Variants in TUSC3 observed in about 807,000 individuals in gnomAD.
TUSC3 encodes the protein tumor suppressor candidate 3.
In TUSC3, 45 loss-of-function variants were observed where a neutral mutation model predicts 44.8. The observed-to-expected ratio is 1.00, with a 90% CI of 0.79 to 1.29. The LOEUF (loss-of-function observed/expected upper bound fraction) is 1.29. Among genes scored for constraint, TUSC3 ranks in the 50% most tolerant of loss-of-function variants. TUSC3 has a pLI of 0.00. For synonymous variants in TUSC3, 212 were observed against 152.9 expected (o/e 1.39, Z -2.85); for missense variants, 519 against 437.9 (o/e 1.19, Z -1.65).
At chr8:15,715,383 T>C (rs1034852003) in intron 6 of TUSC3, among the ~76,000 whole-genome samples, 3 of 152,108 alleles carry the variant, frequency 2.0e-5, no homozygotes, top group Admixed American at 6.6e-5. Flanking sequence ...TATTGTACTA[T>C]ACCCACTCTT....
chr8:15,442,214 A>G (rs1437477033), intron 1 of TUSC3, among the ~76,000 whole-genome samples: 1 of 152,030 alleles, frequency 6.6e-6, no homozygotes, highest in Non-Finnish European at 1.5e-5. Context: ...ACCTGTTGCA[A>G]TTTATACTAC....
At chr8:15,541,184 A>G (rs970884327) in intron 1 of TUSC3, among the ~76,000 whole-genome samples, 4 of 152,298 alleles carry the variant, frequency 2.6e-5, no homozygotes, top group Non-Finnish European at 4.4e-5. Flanking sequence ...ATAACCTGCC[A>G]TTTATTTTAT....
At chr8:15,811,247 T>A in the TUSC3 span, among the ~76,000 whole-genome samples, 11 of 152,138 alleles carry the variant, frequency 7.2e-5, no homozygotes, top group African/African-American at 2.7e-4. Context: ...AGGCTTTTGT[T>A]TTCCTCTCTG....
chr8:15,453,645 A>C (rs1800220896), intron 1 of TUSC3, among the ~76,000 whole-genome samples: 1 of 152,202 alleles, frequency 6.6e-6, no homozygotes, highest in Non-Finnish European at 1.5e-5. Context: ...AGACAAACAC[A>C]ACTTAAATAT....
At chr8:15,526,382 A>G (rs1801373363) in intron 2 of TUSC3, among the ~76,000 whole-genome samples, 1 of 152,098 alleles carries the variant, frequency 6.6e-6, no homozygotes, top group Non-Finnish European at 1.5e-5. Context: ...GGAAACTAGT[A>G]AAGATTTTCT....
At chr8:15,505,200 T>C (rs62502467) in intron 2 of TUSC3, among the ~76,000 whole-genome samples, 29,650 of 152,156 alleles carry the variant, frequency 0.19, 3,406 homozygotes, top group Middle Eastern at 0.27. Flanking sequence ...TCAGGTTATT[T>C]GCCGCAGCAA....
intron 6 of TUSC3, among the ~76,000 whole-genome samples, chr8:15,714,465 A>G (rs543586090): frequency 1.3e-5 from 2 of 152,170 alleles, no homozygotes; most frequent in Admixed American, 1.3e-4. Flanking sequence ...ACTACATTTT[A>G]TATAGTTGTT....
At chr8:15,481,542 A>G (rs543207763) in intron 1 of TUSC3, among the ~76,000 whole-genome samples, 1 of 152,264 alleles carries the variant, frequency 6.6e-6, no homozygotes, top group Non-Finnish European at 1.5e-5. Context: ...TTTTCTCAGC[A>G]TTCCACAGAG....
chr8:15,794,371 C>T, the TUSC3 span, among the ~76,000 whole-genome samples: 1 of 152,126 alleles, frequency 6.6e-6, no homozygotes, highest in Admixed American at 6.6e-5. Context: ...ACTGGAAAAT[C>T]AGAGTGCATT....
chr8:15,566,853 A>G (rs1344303493), intron 1 of TUSC3, among the ~76,000 whole-genome samples: 3 of 152,082 alleles, frequency 2.0e-5, no homozygotes, highest in African/African-American at 7.2e-5. Flanking sequence ...GGCTGCTCTT[A>G]AATTTCTGGG....
chr8:15,635,315 C>G (rs1292989099), intron 2 of TUSC3, among the ~76,000 whole-genome samples: 1 of 151,894 alleles, frequency 6.6e-6, no homozygotes, highest in Non-Finnish European at 1.5e-5. Context: ...GGTGTGTGGA[C>G]AAAAAGAGGA....
chr8:15,539,878 G>C (rs1254805088), upstream of TUSC3, among the ~76,000 whole-genome samples: 3 of 152,092 alleles, frequency 2.0e-5, no homozygotes, highest in African/African-American at 7.2e-5. Flanking sequence ...TCTGGAGTTA[G>C]ATGGTTTCCC....
chr8:15,674,296 A>C (rs973848870), intron 6 of TUSC3, among the ~76,000 whole-genome samples: 3 of 151,978 alleles, frequency 2.0e-5, no homozygotes, highest in African/African-American at 4.8e-5. Context: ...AGTGAAATTG[A>C]TATGTTGTTA....
At chr8:15,750,974 C>G (rs921112421) in intron 9 of TUSC3, among the ~76,000 whole-genome samples, 1 of 152,006 alleles carries the variant, frequency 6.6e-6, no homozygotes, top group African/African-American at 2.4e-5. Context: ...AGAAGAGAGC[C>G]TATCAAAGAA....
intron 1 of TUSC3, among the ~76,000 whole-genome samples, chr8:15,477,623 G>A (rs1436059842): frequency 1.3e-5 from 2 of 152,106 alleles, no homozygotes; most frequent in African/African-American, 2.4e-5. Flanking sequence ...TTGGGAGGCT[G>A]AGGTAGGAGA....
At chr8:15,786,435 A>G in the TUSC3 span, among the ~76,000 whole-genome samples, 1 of 152,194 alleles carries the variant, frequency 6.6e-6, no homozygotes, top group African/African-American at 2.4e-5. Context: ...GAAGCTATAA[A>G]AGAGAGAAAG....
At chr8:15,691,682 C>A (rs994831311) in intron 6 of TUSC3, among the ~76,000 whole-genome samples, 1 of 152,068 alleles carries the variant, frequency 6.6e-6, no homozygotes, top group African/African-American at 2.4e-5. Context: ...AAATATGTTC[C>A]TTCAGTGTCT....
At chr8:15,720,922 C>G (rs1810277947) in intron 6 of TUSC3, among the ~76,000 whole-genome samples, 1 of 152,050 alleles carries the variant, frequency 6.6e-6, no homozygotes, top group South Asian at 2.1e-4. Context: ...ACCCAGGGTT[C>G]TTGTCATCCA....
At chr8:15,739,544 T>C (rs1409642615) in intron 7 of TUSC3, among the ~76,000 whole-genome samples, 3 of 152,190 alleles carry the variant, frequency 2.0e-5, no homozygotes, top group African/African-American at 7.2e-5. Context: ...CCAACAAAAA[T>C]AGTAAATTAT....
Sources: gnomAD v4.1 joint callset for allele counts (sites outside exome capture counted in the v4.1 genomes callset) on GRCh38, gnomAD v4.1.1 for gene constraint, MANE v1.5 for transcripts, NCBI Gene and HGNC (gene_info 2026-07-23, HGNC 2026-07-21) for gene names.